CALN1: variants seen among roughly 807,000 people sequenced by gnomAD.
The protein encoded by CALN1 is calcium-binding protein 8.
A neutral mutation model predicts 30.6 loss-of-function variants in CALN1; 17 were observed. The observed-to-expected ratio is 0.56, with a 90% CI of 0.38 to 0.83. CALN1 has a LOEUF of 0.83. CALN1 is among the 40% of genes least tolerant of loss of function. CALN1 has a pLI of 0.00. For missense variants in CALN1, 291 were observed against 354.9 expected, an observed-to-expected ratio of 0.82 and a Z score of 1.45; for synonymous variants, 156 against 131.4, an observed-to-expected ratio of 1.19 and a Z score of -1.28.
upstream of CALN1, among the ~76,000 whole-genome samples, chr7:72,449,058 C>G (rs1468468853): frequency 6.6e-6 from 1 of 152,050 alleles, no homozygotes; most frequent in Non-Finnish European, 1.5e-5. Flanking sequence ...AGAGTGAACC[C>G]CAGATCCCAT....
chr7:72,308,579 T>G (rs1456879187), intron 2 of CALN1, among the ~76,000 whole-genome samples: 1 of 152,166 alleles, frequency 6.6e-6, no homozygotes, highest in Admixed American at 6.5e-5. Flanking sequence ...CCTGTCCCCC[T>G]GGGAACTGCA....
In CALN1 at chr7:72,043,010, A is replaced by C. The variant is rs758341015; in HGVS notation, c.389-19241T>G. Among the ~76,000 whole-genome samples the C allele has an allele frequency of 3.6e-4, 55 of 152,270 alleles. No homozygotes were observed. The South Asian group carries it at 3.9e-3, about 11-fold the overall frequency. The stretch of plus-strand genomic sequence containing the variant: ...AGCCAAGGCCACAAAAATTTATAGA[A>C]ATAAACATTTCGACCTAGAGCAGGA... On this transcript the variant is annotated intron_variant, in intron 4 of 6. Coordinates refer to ENST00000395275, the MANE Select transcript of CALN1 (RefSeq NM_031468.4).
chr7:72,076,611 C>CAAAA (rs572245834), intron 4 of CALN1, among the ~76,000 whole-genome samples: 4 of 6,126 alleles, frequency 6.5e-4, no homozygotes, highest in Admixed American at 6.0e-3. Flanking sequence ...AAAAAAAAAG[C>CAAAA]AAAAAAAAAA....
chr7:72,208,980 T>TC (rs1792107349), intron 3 of CALN1, among the ~76,000 whole-genome samples: 1 of 148,996 alleles, frequency 6.7e-6, no homozygotes, highest in South Asian at 2.2e-4. Flanking sequence ...TCCTTCCTTT[T>TC]CCTACTTCCT....
chr7:72,459,625 CAAAA>C, the CALN1 span, among the ~76,000 whole-genome samples: 1 of 44,456 alleles, frequency 2.2e-5, no homozygotes, highest in Non-Finnish European at 5.0e-5. Context: ...AACCCTGTCT[CAAAA>C]AAAAAAAAAA....
chr7:71,886,467 GC>G (rs2116852283), intron 5 of CALN1, among the ~76,000 whole-genome samples: 1 of 152,330 alleles, frequency 6.6e-6, no homozygotes, highest in South Asian at 2.1e-4. Context: ...GCAAGAGTCT[GC>G]GGTCAATTAT....
At chr7:72,139,136 A>G (rs1809707256) in intron 3 of CALN1, among the ~76,000 whole-genome samples, 1 of 152,124 alleles carries the variant, frequency 6.6e-6, no homozygotes, top group Admixed American at 6.5e-5. Flanking sequence ...CATATATTCA[A>G]CAAGCAGGTT....
intron 2 of CALN1, among the ~76,000 whole-genome samples, chr7:72,381,718 G>T (rs754079570): frequency 1.4e-4 from 21 of 152,162 alleles, no homozygotes; most frequent in Non-Finnish European, 2.8e-4. Context: ...GGGGCAAGGG[G>T]AGGGAGAGCA....
chr7:72,493,594 T>C, the CALN1 span, among the ~76,000 whole-genome samples: 13 of 152,166 alleles, frequency 8.5e-5, no homozygotes, highest in Non-Finnish European at 1.9e-4. Flanking sequence ...CCGCCTCAGC[T>C]TCCCAAATTG....
intron 4 of CALN1, among the ~76,000 whole-genome samples, chr7:72,063,321 T>C (rs1167495721): frequency 1.3e-5 from 2 of 152,264 alleles, no homozygotes; most frequent in Non-Finnish European, 2.9e-5. Context: ...AGTTTCAACA[T>C]CTGCAAAGCC....
chr7:72,061,194 G>GATCTCATAACGTAAT (rs1477341971), intron 4 of CALN1, among the ~76,000 whole-genome samples: 2 of 152,112 alleles, frequency 1.3e-5, no homozygotes, highest in African/African-American at 4.8e-5. Flanking sequence ...GAAGAGCCGG[G>GATCTCATAACGTAAT]ATCTCATAAC....
intron 5 of CALN1, among the ~76,000 whole-genome samples, chr7:71,936,277 T>A (rs1795825395): frequency 6.6e-6 from 1 of 151,458 alleles, no homozygotes; most frequent in African/African-American, 2.4e-5. Context: ...GACGGGTGGA[T>A]CACGAGGTCA....
intron 1 of CALN1, among the ~76,000 whole-genome samples, chr7:72,406,011 G>C (rs142416455): frequency 6.6e-6 from 1 of 152,154 alleles, no homozygotes; most frequent in Non-Finnish European, 1.5e-5. Context: ...ACAGGCGCAC[G>C]GCACTGAAGG....
chr7:72,421,467 T>C (rs1253999896), intron 1 of CALN1, among the ~76,000 whole-genome samples: 1 of 152,088 alleles, frequency 6.6e-6, no homozygotes, highest in East Asian at 1.9e-4. Context: ...TAACATCTTA[T>C]CTTCTTGGCT....
chr7:72,107,468 G>C (rs946717286), intron 3 of CALN1, among the ~76,000 whole-genome samples: 1 of 152,182 alleles, frequency 6.6e-6, no homozygotes, highest in Non-Finnish European at 1.5e-5. Context: ...TTGACTCTGC[G>C]GTCAGCAAGG....
At chr7:71,850,567 A>T (rs904799048) in intron 5 of CALN1, among the ~76,000 whole-genome samples, 1 of 152,200 alleles carries the variant, frequency 6.6e-6, no homozygotes, top group Non-Finnish European at 1.5e-5. Context: ...TGACTACGAT[A>T]TTATTTGTGG....
chr7:72,114,809 C>T (rs762092119), intron 3 of CALN1, among the ~76,000 whole-genome samples: 5 of 152,126 alleles, frequency 3.3e-5, no homozygotes, highest in Non-Finnish European at 7.3e-5. Flanking sequence ...GCCTAGCCAA[C>T]ATGGCGAAAC....
chr7:71,990,905 C>CAT (rs1421396018), intron 5 of CALN1, among the ~76,000 whole-genome samples: 1 of 152,154 alleles, frequency 6.6e-6, no homozygotes, highest in East Asian at 1.9e-4. Context: ...TTAACAGTTT[C>CAT]ATACAGCACA....
At chr7:72,492,450 T>C in the CALN1 span, among the ~76,000 whole-genome samples, 49 of 152,332 alleles carry the variant, frequency 3.2e-4, no homozygotes, top group African/African-American at 1.1e-3. Flanking sequence ...TTCCACCCTT[T>C]GGGAGGTGCT....
Sources: allele counts gnomAD v4.1 joint callset (sites outside exome capture counted in the v4.1 genomes callset), GRCh38; gene constraint gnomAD v4.1.1; transcripts MANE v1.5; gene names NCBI Gene and HGNC (gene_info 2026-07-23, HGNC 2026-07-21).